Variants in SGCZ observed in about 807,000 individuals in gnomAD.
SGCZ encodes zeta-sarcoglycan.
SGCZ carries 40 observed loss-of-function variants against 41.3 expected under a neutral mutation model. That is an observed-to-expected ratio of 0.97 (90% CI 0.75 to 1.26). SGCZ has a LOEUF of 1.26. SGCZ is among the 50% of genes most tolerant of loss of function. The probability of loss-of-function intolerance (pLI) is 0.00; values close to 1 mark genes in which losing one functional copy is unlikely to be tolerated. For missense variants in SGCZ, 552 were observed against 369.8 expected, an observed-to-expected ratio of 1.49 and a Z score of -4.04; for synonymous variants, 206 against 137.5, an observed-to-expected ratio of 1.50 and a Z score of -3.49.
chr8:15,149,959 C>G (rs1799133313), intron 1 of SGCZ, among the ~76,000 whole-genome samples: 1 of 152,084 alleles, frequency 6.6e-6, no homozygotes, highest in South Asian at 2.1e-4. Context: ...GTAGTCATTA[C>G]AAATAATTGT....
chr8:15,198,355 C>T (rs1800795953), intron 1 of SGCZ, among the ~76,000 whole-genome samples: 1 of 151,944 alleles, frequency 6.6e-6, no homozygotes, highest in African/African-American at 2.4e-5. Context: ...AAAAGTTTCT[C>T]ATGATTCTTT....
chr8:14,911,321 G>A (rs1044135929), intron 1 of SGCZ, among the ~76,000 whole-genome samples: 1 of 151,916 alleles, frequency 6.6e-6, no homozygotes, highest in East Asian at 1.9e-4. Flanking sequence ...CTGATTTACT[G>A]ATCTCCATAT....
intron 1 of SGCZ, among the ~76,000 whole-genome samples, chr8:14,594,217 TAAATA>T (rs1805334195): frequency 1.4e-5 from 2 of 138,572 alleles, no homozygotes; most frequent in African/African-American, 5.4e-5. Flanking sequence ...AATAAATAAA[TAAATA>T]AATAAAATAA....
chr8:14,620,270 C>T (rs1806240212), intron 1 of SGCZ, among the ~76,000 whole-genome samples: 2 of 152,148 alleles, frequency 1.3e-5, no homozygotes, highest in African/African-American at 2.4e-5. Context: ...CTTCCTTACA[C>T]CTTATACAAA....
chr8:14,597,598 C>T (rs750473476), intron 1 of SGCZ, among the ~76,000 whole-genome samples: 21 of 152,088 alleles, frequency 1.4e-4, no homozygotes, highest in Non-Finnish European at 4.4e-5. Context: ...CTGCCTCAGC[C>T]TCTAGAGTAG....
intron 1 of SGCZ, among the ~76,000 whole-genome samples, chr8:14,945,914 A>G (rs1030355608): frequency 1.4e-5 from 2 of 147,046 alleles, no homozygotes; most frequent in Non-Finnish European, 1.5e-5. Context: ...GCACGGAGCC[A>G]TGCTATTGGC....
intron 2 of SGCZ, among the ~76,000 whole-genome samples, chr8:14,450,265 G>A (rs78848105): frequency 0.041 from 6,207 of 152,230 alleles, 398 homozygotes; most frequent in African/African-American, 0.14. Flanking sequence ...TCACAACCAA[G>A]CATCGTGATT....
At chr8:14,930,855 A>C (rs1167918675) in intron 1 of SGCZ, among the ~76,000 whole-genome samples, 1 of 151,884 alleles carries the variant, frequency 6.6e-6, no homozygotes, top group Non-Finnish European at 1.5e-5. Context: ...GGGGATGGAT[A>C]GCATTGGGAG....
At chr8:14,362,799 C>G (rs529985847) in intron 2 of SGCZ, among the ~76,000 whole-genome samples, 2 of 151,690 alleles carry the variant, frequency 1.3e-5, no homozygotes, top group African/African-American at 4.8e-5. Context: ...AGCTGTAGAC[C>G]GGAGCTGTTC....
intron 2 of SGCZ, among the ~76,000 whole-genome samples, chr8:14,349,399 G>GT (rs2117100244): frequency 6.6e-6 from 1 of 152,192 alleles, no homozygotes; most frequent in Admixed American, 6.5e-5. Context: ...TTGTGGATTG[G>GT]TAAAAACTAC....
At chr8:15,037,029 A>G (rs949090982) in intron 1 of SGCZ, among the ~76,000 whole-genome samples, 2 of 152,232 alleles carry the variant, frequency 1.3e-5, no homozygotes, top group African/African-American at 4.8e-5. Flanking sequence ...AAAGCATTTG[A>G]CAAAACTGGA....
At chr8:14,713,353 C>A (rs973530049) in intron 1 of SGCZ, among the ~76,000 whole-genome samples, 1 of 152,102 alleles carries the variant, frequency 6.6e-6, no homozygotes, top group African/African-American at 2.4e-5. Flanking sequence ...ACATAACTAT[C>A]ACTATTACTA....
In SGCZ at chr8:14,143,852, G is replaced by A. The variant is rs147819583; in HGVS notation, c.547+20728C>T. 5.3e-3 allele frequency among the ~76,000 whole-genome samples: 813 copies of A among 152,174 alleles called. 22 individuals carry two copies. The highest frequency in any genetic ancestry group is 0.041 in the Admixed American group (630 of 15,280). On this transcript the variant is annotated intron_variant, in intron 5 of 7. Coordinates refer to ENST00000382080, the MANE Select transcript of SGCZ (RefSeq NM_139167.4). Reference sequence around the variant, plus strand: ...CTCAGTGCTGGGTGAGGGATAACACGGCAATTGTGAGGCATTGGACTCAGT... The same window carrying A: ...CTCAGTGCTGGGTGAGGGATAACACAGCAATTGTGAGGCATTGGACTCAGT...
intron 1 of SGCZ, among the ~76,000 whole-genome samples, chr8:15,034,614 G>T (rs761298807): frequency 5.3e-5 from 8 of 152,136 alleles, no homozygotes; most frequent in Middle Eastern, 3.4e-3. Flanking sequence ...AAGGTCAAAG[G>T]TCTCCATTCA....
At chr8:14,643,490 G>A (rs1299812402) in intron 1 of SGCZ, among the ~76,000 whole-genome samples, 2 of 151,228 alleles carry the variant, frequency 1.3e-5, no homozygotes, top group African/African-American at 4.9e-5. Flanking sequence ...TAAATTATGT[G>A]GAATGAGCAG....
chr8:14,972,314 A>G (rs1325865165), intron 1 of SGCZ, among the ~76,000 whole-genome samples: 2 of 151,010 alleles, frequency 1.3e-5, no homozygotes, highest in Non-Finnish European at 3.0e-5. Context: ...ATTTTCTTTC[A>G]TTTTTCTGAT....
At chr8:14,184,546 C>G (rs1191891538) in intron 4 of SGCZ, among the ~76,000 whole-genome samples, 2 of 152,124 alleles carry the variant, frequency 1.3e-5, no homozygotes, top group Non-Finnish European at 1.5e-5. Context: ...ATTGGAACTA[C>G]TAAACACTGT....
intron 3 of SGCZ, among the ~76,000 whole-genome samples, chr8:14,302,152 A>AT (rs36096785): frequency 6.6e-6 from 1 of 151,984 alleles, no homozygotes; most frequent in Non-Finnish European, 1.5e-5. Context: ...TGTTATATTA[A>AT]TTTTTTTATT....
chr8:14,113,995 G>A (rs55809157), intron 5 of SGCZ, among the ~76,000 whole-genome samples: 10,259 of 151,908 alleles, frequency 0.068, 448 homozygotes, highest in Non-Finnish European at 0.098. Flanking sequence ...GGTTCTTGCC[G>A]CTTGCTTCTC....
Sources: allele counts gnomAD v4.1 joint callset (sites outside exome capture counted in the v4.1 genomes callset), GRCh38; gene constraint gnomAD v4.1.1; transcripts MANE v1.5; gene names NCBI Gene and HGNC (gene_info 2026-07-23, HGNC 2026-07-21).